The following MREG variants were observed in gnomAD, a reference collection of about 807,000 sequenced individuals.
The protein encoded by MREG is melanoregulin.
MREG carries 31 observed loss-of-function variants against 28.5 expected under a neutral mutation model. That is an observed-to-expected ratio of 1.09 (90% CI 0.82 to 1.47). MREG has a LOEUF of 1.47. Among genes scored for constraint, MREG ranks in the 40% most tolerant of loss-of-function variants. The pLI is 0.00. For synonymous variants in MREG, 106 were observed against 95.2 expected, an observed-to-expected ratio of 1.11 and a Z score of -0.66; for missense variants, 256 against 257.4, an observed-to-expected ratio of 0.99 and a Z score of 0.04.
chr2:216,015,412 G>A (rs1189239149), upstream of MREG, among the ~76,000 whole-genome samples: 1 of 152,162 alleles, frequency 6.6e-6, no homozygotes, highest in Non-Finnish European at 1.5e-5. Flanking sequence ...GGAGAATATG[G>A]ACTCTAGGGG....
chr2:216,019,931 TCTC>T (rs1403430586), intron 1 of MREG, among the ~76,000 whole-genome samples: 1 of 152,106 alleles, frequency 6.6e-6, no homozygotes, highest in African/African-American at 2.4e-5. Context: ...TATTATAACT[TCTC>T]CTCAAAATTC....
upstream of MREG, among the ~76,000 whole-genome samples, chr2:216,013,932 A>G (rs1176893850): frequency 6.6e-6 from 1 of 152,088 alleles, no homozygotes; most frequent in Non-Finnish European, 1.5e-5. Flanking sequence ...TTTTTTAAAT[A>G]ATATATTTAC....
intron 2 of MREG, among the ~76,000 whole-genome samples, chr2:215,972,981 T>C (rs1693145491): frequency 6.6e-6 from 1 of 152,068 alleles, no homozygotes; most frequent in South Asian, 2.1e-4. Context: ...TGAATGGACA[T>C]GTAACTGGGT....
chr2:215,964,387 G>C (rs1559179202), intron 2 of MREG, among the ~76,000 whole-genome samples: 1 of 152,076 alleles, frequency 6.6e-6, no homozygotes, highest in Non-Finnish European at 1.5e-5. Context: ...AGGAGGCCGA[G>C]GCACCAGAAT....
At chr2:215,983,011 C>T (rs918862120) in intron 2 of MREG, among the ~76,000 whole-genome samples, 3 of 152,144 alleles carry the variant, frequency 2.0e-5, no homozygotes, top group Non-Finnish European at 2.9e-5. Flanking sequence ...CTCCACCCTG[C>T]CCCAAATCCT....
chr2:215,955,638 A>G (rs981845997), intron 2 of MREG, among the ~76,000 whole-genome samples: 1 of 152,308 alleles, frequency 6.6e-6, no homozygotes, highest in Non-Finnish European at 1.5e-5. Flanking sequence ...GTTCGCACCA[A>G]TTGACATCAT....
upstream of MREG, among the ~76,000 whole-genome samples, chr2:216,033,232 C>T (rs1310508312): frequency 2.0e-5 from 3 of 152,272 alleles, no homozygotes; most frequent in Middle Eastern, 3.4e-3. Context: ...CCCCTTCCTC[C>T]ATTTTTTTAA....
At chr2:215,947,983 T>C (rs1485890810) in intron 2 of MREG, among the ~76,000 whole-genome samples, 1 of 152,132 alleles carries the variant, frequency 6.6e-6, no homozygotes, top group African/African-American at 2.4e-5. Flanking sequence ...TTTTATAGAG[T>C]ATACCTTTTA....
intron 2 of MREG, among the ~76,000 whole-genome samples, chr2:215,980,768 C>T (rs927371113): frequency 6.6e-6 from 1 of 151,526 alleles, no homozygotes; most frequent in South Asian, 2.1e-4. Flanking sequence ...GCAGAGATCA[C>T]GCCACTGCCC....
At chr2:216,031,757 C>A (rs189113870) in intron 1 of MREG, among the ~76,000 whole-genome samples, 1 of 151,512 alleles carries the variant, frequency 6.6e-6, no homozygotes, top group African/African-American at 2.4e-5. Context: ...TACCCCAATT[C>A]CCCTAATGTC....
At position 215,944,889 on chromosome 2, in the gene MREG, G is replaced by A. The variant is rs1478917283; in HGVS notation, c.619C>T (p.His207Tyr). The change falls in exon 5 of 5, where the codon CAC becomes TAC. Residue 207 changes from histidine (H) to tyrosine (Y), a missense_variant. Coordinates refer to ENST00000263268, the MANE Select transcript of MREG (RefSeq NM_018000.3). The stretch of plus-strand genomic sequence containing the variant: ...TAGGGACTTGGAAACGGAAGGTAGT[G>A]CAGTTCTTTCTGGCCATCTGCCAGG... ...PCLADGQKEL[H>Y]YLPFPSP The A allele has an allele frequency of 1.9e-6, 3 of 1,604,914 alleles. No individual in the cohort carries two copies. Among genetic ancestry groups the A allele is most frequent in the Middle Eastern group, 1.7e-4 (1 of 6,024 alleles).
intron 2 of MREG, among the ~76,000 whole-genome samples, chr2:215,978,242 A>C: frequency 6.6e-6 from 1 of 152,222 alleles, no homozygotes; most frequent in Non-Finnish European, 1.5e-5. Context: ...CCATCAGAGA[A>C]TACTATAAAC....
At chr2:215,949,074 ACTACTAC>A (rs1559173497) in intron 2 of MREG, among the ~76,000 whole-genome samples, 3,420 of 132,162 alleles carry the variant, frequency 0.026, 55 homozygotes, top group Non-Finnish European at 0.035. Flanking sequence ...TACTACTACT[ACTACTAC>A]TACTACTAAT....
At chr2:215,985,700 T>C (rs1322753124) in intron 2 of MREG, among the ~76,000 whole-genome samples, 3 of 152,214 alleles carry the variant, frequency 2.0e-5, no homozygotes, top group Admixed American at 1.3e-4. Context: ...AGAATGCAGA[T>C]TGTACATACA....
intron 1 of MREG, among the ~76,000 whole-genome samples, chr2:216,003,037 G>A (rs1057015980): frequency 2.0e-5 from 3 of 150,402 alleles, no homozygotes; most frequent in Non-Finnish European, 4.4e-5. Context: ...TTACCTAGTC[G>A]ATCCAGTGTT....
intron 1 of MREG, among the ~76,000 whole-genome samples, chr2:216,003,678 C>A (rs552710926): frequency 1.3e-5 from 2 of 152,172 alleles, no homozygotes; most frequent in Non-Finnish European, 2.9e-5. Flanking sequence ...TCCCGCTAAA[C>A]CCATCCACAG....
At chr2:215,999,870 G>A (rs1488068996) in intron 1 of MREG, among the ~76,000 whole-genome samples, 2 of 152,174 alleles carry the variant, frequency 1.3e-5, no homozygotes, top group African/African-American at 4.8e-5. Flanking sequence ...CAAGGACAGG[G>A]TAGAGATCTA....
At chr2:215,978,236 C>G (rs940860370) in intron 2 of MREG, among the ~76,000 whole-genome samples, 1 of 152,172 alleles carries the variant, frequency 6.6e-6, no homozygotes, top group Non-Finnish European at 1.5e-5. Context: ...AAACTACCAT[C>G]AGAGAATACT....
intron 2 of MREG, among the ~76,000 whole-genome samples, chr2:215,962,763 G>GGCTACTGAGCACCTCAACGTA (rs1444698137): frequency 6.6e-6 from 1 of 150,428 alleles, no homozygotes; most frequent in African/African-American, 2.5e-5. Context: ...AGCCACACGT[G>GGCTACTGAGCACCTCAACGTA]GCTACTGAGC....
Sources: gnomAD v4.1 joint callset for allele counts (sites outside exome capture counted in the v4.1 genomes callset) on GRCh38, gnomAD v4.1.1 for gene constraint, MANE v1.5 for transcripts, NCBI Gene and HGNC (gene_info 2026-07-23, HGNC 2026-07-21) for gene names.